The following RASA3 variants were observed in gnomAD, a reference collection of about 807,000 sequenced individuals.
The protein encoded by RASA3 is ras GTPase-activating protein 3.
A neutral mutation model predicts 110.0 loss-of-function variants in RASA3; 73 were observed. The ratio of observed to expected loss-of-function variants is 0.66; its 90% CI spans 0.55 to 0.81. RASA3 has a LOEUF of 0.81. RASA3 is among the 30% of genes least tolerant of loss of function. The probability of loss-of-function intolerance (pLI) is 0.00; values close to 1 mark genes in which losing one functional copy is unlikely to be tolerated. For synonymous variants in RASA3, 500 were observed against 451.4 expected (o/e 1.11, Z -1.37); for missense variants, 976 against 1,113.2 (o/e 0.88, Z 1.75).
At chr13:113,993,065 T>C (rs1324999802) in intron 21 of RASA3, among the ~76,000 whole-genome samples, 2 of 152,224 alleles carry the variant, frequency 1.3e-5, no homozygotes, top group African/African-American at 4.8e-5. Context: ...TGTACATTTT[T>C]AGTATCATAC....
intron 3 of RASA3, among the ~76,000 whole-genome samples, chr13:114,043,186 A>G (rs1215277006): frequency 6.6e-6 from 1 of 152,162 alleles, no homozygotes; most frequent in Non-Finnish European, 1.5e-5. Flanking sequence ...ACCCTATGGG[A>G]CAGCGCAAGG....
chr13:114,014,847 A>C lies in RASA3; in HGVS notation c.1405+362T>G, dbSNP rs2053753059. ...CCAGGGGTCCACATCAGGAAAATTCACATTCCACCCCGACAAAGCCTGGCC... is the reference window on the plus strand; with the variant it reads ...CCAGGGGTCCACATCAGGAAAATTCCCATTCCACCCCGACAAAGCCTGGCC... On this transcript the variant is annotated intron_variant, in intron 14 of 23. Transcript: ENST00000334062. This position sits in a 1 kb window ranked among gnomAD's most constrained non-coding sequence, Gnocchi z 4.5. Among the ~76,000 whole-genome samples the C allele has an allele frequency of 6.6e-6, 1 of 151,970 alleles. No homozygotes were observed. Among genetic ancestry groups the C allele is most frequent in the Non-Finnish European group, 1.5e-5 (1 of 67,968 alleles).
intron 2 of RASA3, among the ~76,000 whole-genome samples, chr13:114,073,332 G>A (rs2079608699): frequency 1.5e-5 from 2 of 137,214 alleles, no homozygotes; most frequent in African/African-American, 2.8e-5. Flanking sequence ...AAAATGGGAC[G>A]GTGATGTACA....
In RASA3 at chr13:114,065,929, C is replaced by T. The variant is rs918803444; in HGVS notation, c.173+7791G>A. ...CCAAAGACTCAGTGAGGAAAGCAGG[C>T]GGGCTGGGCTGAGACTCACAGCTGC... On this transcript the variant is annotated intron_variant, in intron 2 of 23. Transcript: ENST00000334062. The surrounding 1 kb of genome is among the most constrained non-coding windows in gnomAD (Gnocchi z 4.1). 1.3e-5 allele frequency among the ~76,000 whole-genome samples: 2 copies of T among 152,202 alleles called. No homozygotes were observed. Among genetic ancestry groups the T allele is most frequent in the African/African-American group, 2.4e-5 (1 of 41,450 alleles).
rs151219841 is a variant in RASA3, at chr13:114,039,007, C to T, written c.372+1993G>A. Among the ~76,000 whole-genome samples, 874 of 152,358 alleles carry T rather than the reference C, an allele frequency of 5.7e-3. 1 individual carries two copies. The highest frequency in any genetic ancestry group is 0.017 in the African/African-American group (697 of 41,582). On this transcript the variant is annotated intron_variant, in intron 4 of 23. Transcript: ENST00000334062. ...CAATTTACGATGCGCCAGGTGCCTT[C>T]GAGTGGCACACACGCCATACCAGCA...
intron 3 of RASA3, among the ~76,000 whole-genome samples, chr13:114,049,445 C>T (rs1199129304): frequency 6.6e-6 from 1 of 152,158 alleles, no homozygotes; most frequent in Non-Finnish European, 1.5e-5. Context: ...GATTAATAAA[C>T]ATCTTATTTG....
intron 1 of RASA3, among the ~76,000 whole-genome samples, chr13:114,122,296 T>C (rs547986298): frequency 6.6e-6 from 1 of 152,196 alleles, no homozygotes; most frequent in South Asian, 2.1e-4. Flanking sequence ...CCAAAGCCCA[T>C]GGGAAAACCA....
intron 1 of RASA3, chr13:114,077,992 G>GGA: frequency 4.4e-6 from 4 of 903,714 alleles, no homozygotes; most frequent in Non-Finnish European, 5.2e-6. Context: ...CATTGAAACA[G>GGA]AAAAAAAAAA....
At chr13:114,017,837 G>A (rs1296641180) in intron 11 of RASA3, among the ~76,000 whole-genome samples, 1 of 152,108 alleles carries the variant, frequency 6.6e-6, no homozygotes, top group Non-Finnish European at 1.5e-5. Context: ...CCCCAGGGAG[G>A]GGACCTGAGC....
chr13:114,052,165 C>T lies in RASA3; in HGVS notation c.174-10G>A. The T allele has an allele frequency of 6.3e-7, 1 of 1,589,832 alleles. No homozygotes were observed. The highest frequency in any genetic ancestry group is 8.6e-7 in the Non-Finnish European group (1 of 1,159,786). On this transcript the variant is annotated splice_polypyrimidine_tract_variant and intron_variant, in intron 2 of 23. Coordinates refer to ENST00000334062, the MANE Select transcript of RASA3 (RefSeq NM_007368.4). Reference sequence around the variant, plus strand: ...TTCTCCGTAAAACGGGCTAGTGAGACAAAGAAAAGCGCCAGTTAGAACACA... The same window carrying T: ...TTCTCCGTAAAACGGGCTAGTGAGATAAAGAAAAGCGCCAGTTAGAACACA...
intron 7 of RASA3, among the ~76,000 whole-genome samples, chr13:114,026,178 T>G (rs2054021978): frequency 6.6e-6 from 1 of 152,216 alleles, no homozygotes; most frequent in African/African-American, 2.4e-5. Flanking sequence ...GCAAGCGTGA[T>G]GAGCACCCGT....
At chr13:114,087,227 C>T (rs1273659035) in intron 1 of RASA3, among the ~76,000 whole-genome samples, 1 of 76,556 alleles carries the variant, frequency 1.3e-5, no homozygotes, top group African/African-American at 3.3e-5. Context: ...GGGGAAATCA[C>T]GGGGAAGTGC....
chr13:114,011,062 T>A lies in RASA3; in HGVS notation c.1590+109A>T, dbSNP rs2053627763. 2.8e-6 allele frequency: 3 copies of A among 1,064,320 alleles called. No homozygotes were observed. The highest frequency in any genetic ancestry group is 4.3e-6 in the Non-Finnish European group (3 of 705,566). The allele number at this position is 1,064,320 out of a possible 1,614,324, so 65.9% of individuals were successfully genotyped here. ...ATGTGGTGCCGGCTTTGATTCTTGA[T>A]CTTTATCTTACGACTCTCTCAAATG... On this transcript the variant is annotated intron_variant, in intron 16 of 23. Coordinates refer to ENST00000334062, the MANE Select transcript of RASA3 (RefSeq NM_007368.4). This position sits in a 1 kb window ranked among gnomAD's most constrained non-coding sequence, Gnocchi z 4.8.
At position 114,007,993 on chromosome 13, in the gene RASA3, G is replaced by A. The variant is rs1222566988; in HGVS notation, c.1669-387C>T. On this transcript the variant is annotated intron_variant, in intron 17 of 23. Coordinates refer to ENST00000334062, the MANE Select transcript of RASA3 (RefSeq NM_007368.4). ...GCCCCCACGCACCGCGTTCCTGACT[G>A]TGGGGAGGAGCAGAGCCCTGGGGCC... is the stretch of plus-strand genomic sequence containing the variant. 4.9e-5 allele frequency among the ~76,000 whole-genome samples: 6 copies of A among 121,498 alleles called. No individual in the cohort carries two copies. The East Asian group carries it at 1.1e-3, about 22-fold the overall frequency. The allele number at this position is 121,498 out of a possible 152,430, so 79.7% of individuals were successfully genotyped here.
At position 114,040,982 on chromosome 13, in the gene RASA3, C is replaced by T. The variant is rs2054392894; in HGVS notation, c.372+18G>A. 6.2e-7 allele frequency: 1 copy of T among 1,612,362 alleles called. No homozygotes were observed. ...TGTCCCAGGGCTCTGGTTTCCGGGG[C>T]TGCGCCGAGAGTCTCACCTGCACTT... is the stretch of plus-strand genomic sequence containing the variant. On this transcript the variant is annotated intron_variant, in intron 4 of 23. Coordinates refer to ENST00000334062, the MANE Select transcript of RASA3 (RefSeq NM_007368.4).
At chr13:114,058,968 C>T (rs2079292521) in intron 2 of RASA3, among the ~76,000 whole-genome samples, 1 of 152,232 alleles carries the variant, frequency 6.6e-6, no homozygotes, top group Non-Finnish European at 1.5e-5. Flanking sequence ...GAGGCCATGC[C>T]AGAAGCGCCA....
At chr13:114,020,777 G>GGC (rs2053909839) in intron 9 of RASA3, among the ~76,000 whole-genome samples, 4 of 152,206 alleles carry the variant, frequency 2.6e-5, no homozygotes, top group Non-Finnish European at 5.9e-5. Context: ...GCCGACCACT[G>GGC]AGGTCTAGAC....
intron 1 of RASA3, among the ~76,000 whole-genome samples, chr13:114,091,656 T>C (rs187489516): frequency 3.9e-5 from 6 of 151,938 alleles, no homozygotes; most frequent in African/African-American, 9.7e-5. Context: ...ATCAGAGACA[T>C]TGGCCTTTAG....
chr13:114,013,334 C>A, intron 14 of RASA3, 86 bp from the exon 15 acceptor site: 1 of 893,370 alleles, frequency 1.1e-6, no homozygotes, highest in Non-Finnish European at 1.8e-6. Flanking sequence ...TGAGGGTCCG[C>A]AGGGAAGTCC....
Sources: allele counts gnomAD v4.1 joint callset (sites outside exome capture counted in the v4.1 genomes callset), GRCh38; gene constraint gnomAD v4.1.1; non-coding constraint Gnocchi (gnomAD v3.1); transcripts MANE v1.5; gene names NCBI Gene and HGNC (gene_info 2026-07-23, HGNC 2026-07-21).